The following RAD51B variants were observed in gnomAD, a reference collection of about 807,000 sequenced individuals.
RAD51B encodes the protein RAD51 paralog B.
A neutral mutation model predicts 42.2 loss-of-function variants in RAD51B; 38 were observed. That is an observed-to-expected ratio of 0.90 (90% CI 0.70 to 1.18). The LOEUF is 1.18. Among genes scored for constraint, RAD51B ranks in the 50% most tolerant of loss-of-function variants. The pLI, the probability that RAD51B is intolerant of heterozygous loss-of-function variation, is 0.00. For missense variants in RAD51B, 373 were observed against 400.7 expected, an observed-to-expected ratio of 0.93 and a Z score of 0.59; for synonymous variants, 154 against 145.2, an observed-to-expected ratio of 1.06 and a Z score of -0.43.
At chr14:68,069,797 G>T (rs2076712105) in intron 7 of RAD51B, 1 of 152,040 alleles carries the variant, frequency 6.6e-6, no homozygotes, top group Non-Finnish European at 1.5e-5. Flanking sequence ...ATTTCTTTGG[G>T]TATATACCAG....
intron 10 of RAD51B, among the ~76,000 whole-genome samples, chr14:68,549,221 G>A (rs1888387432): frequency 6.6e-6 from 1 of 151,744 alleles, no homozygotes; most frequent in Non-Finnish European, 1.5e-5. Flanking sequence ...CCCCGTTTTT[G>A]AGCCACAGTC....
At chr14:68,059,675 C>G (rs1238542449) in intron 7 of RAD51B, among the ~76,000 whole-genome samples, 7 of 152,100 alleles carry the variant, frequency 4.6e-5, no homozygotes, top group South Asian at 2.1e-4. Context: ...TTTCTATATG[C>G]GTCATAATAA....
intron 10 of RAD51B, among the ~76,000 whole-genome samples, chr14:68,517,001 GT>G (rs1886201808): frequency 6.6e-6 from 1 of 152,114 alleles, no homozygotes; most frequent in South Asian, 2.1e-4. Context: ...AGCTCAGTTT[GT>G]TCATTTTTGA....
intron 8 of RAD51B, among the ~76,000 whole-genome samples, chr14:68,309,124 A>T (rs915999786): frequency 1.3e-5 from 2 of 152,102 alleles, no homozygotes; most frequent in African/African-American, 4.8e-5. Flanking sequence ...ATGTTAGCAG[A>T]TTTTTTTCAC....
At chr14:67,918,441 G>A (rs1249716782) in intron 7 of RAD51B, among the ~76,000 whole-genome samples, 1 of 152,064 alleles carries the variant, frequency 6.6e-6, no homozygotes, top group Non-Finnish European at 1.5e-5. Context: ...CACCATGTTG[G>A]CCAGGCTAGT....
intron 11 of RAD51B, among the ~76,000 whole-genome samples, chr14:68,657,600 G>A (rs1442113368): frequency 6.6e-6 from 1 of 152,242 alleles, no homozygotes; most frequent in Non-Finnish European, 1.5e-5. Flanking sequence ...CTCGGCCCCT[G>A]CAGAGATCAG....
chr14:68,513,974 C>T (rs946942415), intron 10 of RAD51B, among the ~76,000 whole-genome samples: 33 of 152,166 alleles, frequency 2.2e-4, no homozygotes, highest in African/African-American at 8.0e-4. Context: ...AAAAAGGAAG[C>T]AATCCACGAG....
chr14:68,206,799 T>C (rs1006100570), intron 7 of RAD51B, among the ~76,000 whole-genome samples: 1 of 150,624 alleles, frequency 6.6e-6, no homozygotes, highest in Non-Finnish European at 1.5e-5. Context: ...TTTTTTTTTT[T>C]TTTTTTTTGA....
At chr14:68,445,501 T>C (rs141038516) in intron 9 of RAD51B, among the ~76,000 whole-genome samples, 1 of 152,340 alleles carries the variant, frequency 6.6e-6, no homozygotes, top group East Asian at 1.9e-4. Flanking sequence ...GTAAGTACTA[T>C]TATCCCCATT....
At chr14:67,902,788 A>C (rs186614774) in intron 7 of RAD51B, among the ~76,000 whole-genome samples, 97 of 152,308 alleles carry the variant, frequency 6.4e-4, no homozygotes, top group Non-Finnish European at 1.3e-3. Context: ...ATTGCTATAT[A>C]AAGGGCTGGG....
intron 7 of RAD51B, among the ~76,000 whole-genome samples, chr14:67,890,892 T>C (rs2043199596): frequency 6.6e-6 from 1 of 152,180 alleles, no homozygotes; most frequent in Non-Finnish European, 1.5e-5. Flanking sequence ...ACCTTTGTAG[T>C]ATGCCATCTT....
At chr14:68,272,606 A>C (rs2139590583) in intron 7 of RAD51B, among the ~76,000 whole-genome samples, 1 of 105,548 alleles carries the variant, frequency 9.5e-6, no homozygotes, top group East Asian at 3.1e-4. Context: ...GAAATGTTCT[A>C]TTACCATGGT....
chr14:68,539,197 G>A (rs566838225), intron 10 of RAD51B, among the ~76,000 whole-genome samples: 13 of 152,278 alleles, frequency 8.5e-5, no homozygotes, highest in African/African-American at 1.4e-4. Flanking sequence ...CATGCCATGC[G>A]AACTGGAAAC....
chr14:68,169,942 A>T (rs928576683), intron 7 of RAD51B, among the ~76,000 whole-genome samples: 27 of 152,240 alleles, frequency 1.8e-4, no homozygotes, highest in African/African-American at 6.5e-4. Context: ...ATCACAAAAA[A>T]TAGCAAAGAA....
rs191818166 is a variant in RAD51B at position 67,915,203 on chromosome 14, T to C, written c.756+27999T>C. Among the ~76,000 whole-genome samples, 34 of 152,332 alleles carry C rather than the reference T, an allele frequency of 2.2e-4. 1 individual carries two copies. In the East Asian group the frequency reaches 5.8e-3, roughly 26 times the overall value. On this transcript the variant is annotated intron_variant, in intron 7 of 10. Transcript: ENST00000471583. The stretch of plus-strand genomic sequence containing the variant: ...ACGCAATATACCCTTGTAACAAACC[T>C]GTGCATTTATACCCCCAAATCTAAA...
At chr14:67,966,984 C>G (rs1204568990) in intron 7 of RAD51B, among the ~76,000 whole-genome samples, 1 of 152,042 alleles carries the variant, frequency 6.6e-6, no homozygotes. Flanking sequence ...TAAAGACATA[C>G]CCGAGACTGG....
intron 7 of RAD51B, among the ~76,000 whole-genome samples, chr14:68,089,595 A>G (rs2077055722): frequency 6.6e-6 from 1 of 152,166 alleles, no homozygotes; most frequent in South Asian, 2.1e-4. Context: ...GAACAAAGCC[A>G]TACATCCCAA....
intron 7 of RAD51B, among the ~76,000 whole-genome samples, chr14:67,997,469 C>T (rs1386198623): frequency 6.6e-6 from 1 of 152,166 alleles, no homozygotes; most frequent in Non-Finnish European, 1.5e-5. Context: ...GTCACAGTCA[C>T]GTCCTAAATT....
At chr14:68,066,194 C>CTTTGTAATAGTAATTAAA (rs564367015) in intron 7 of RAD51B, among the ~76,000 whole-genome samples, 37 of 151,720 alleles carry the variant, frequency 2.4e-4, no homozygotes, top group Non-Finnish European at 4.6e-4. Flanking sequence ...AAAACACTTA[C>CTTTGTAATAGTAATTAAA]GTTGTAATAG....
Sources: allele counts gnomAD v4.1 joint callset (sites outside exome capture counted in the v4.1 genomes callset), GRCh38; gene constraint gnomAD v4.1.1; transcripts MANE v1.5; gene names NCBI Gene and HGNC (gene_info 2026-07-23, HGNC 2026-07-21).